The following CRX variants were observed in gnomAD, a reference collection of about 807,000 sequenced individuals.
CRX encodes the protein cone-rod homeobox, also known as cone-rod homeobox protein.
CRX carries 5 observed loss-of-function variants against 13.1 expected under a neutral mutation model. That is an observed-to-expected ratio of 0.38 (90% CI 0.20 to 0.80). The LOEUF is 0.80. Among genes scored for constraint, CRX ranks in the 30% least tolerant of loss-of-function variants. The pLI is 0.43. For missense variants in CRX, 351 were observed against 391.8 expected, an observed-to-expected ratio of 0.90 and a Z score of 0.88; for synonymous variants, 179 against 171.1, an observed-to-expected ratio of 1.05 and a Z score of -0.36.
Position 47,840,306 on chromosome 19 carries a change from T to G in CRX, c.*339T>G. 2.9e-6 allele frequency: 1 copy of G among 341,002 alleles called. No homozygotes were observed. Among genetic ancestry groups the G allele is most frequent in the Non-Finnish European group, 5.6e-6 (1 of 180,134 alleles). The allele number at this position is 341,002 out of a possible 1,614,324, so 21.1% of individuals were successfully genotyped here. A position where few individuals can be genotyped will look rare whatever the true frequency, so the allele number is the denominator to read the frequency against. ...AAGTCAAACCAAACTTGCAGTTGAT[T>G]TGGGGTCATGTTTAGGTCAGAATCA... On this transcript the variant is annotated 3_prime_UTR_variant, in exon 4 of 4. Transcript: ENST00000221996.
intron 1 of CRX, among the ~76,000 whole-genome samples, chr19:47,831,403 G>A (rs1282449562): frequency 6.6e-6 from 1 of 152,062 alleles, no homozygotes; most frequent in Non-Finnish European, 1.5e-5. Flanking sequence ...GTTAGGCATG[G>A]GGTTGCACAG....
chr19:47,835,021 G>T (rs929446158), intron 2 of CRX, among the ~76,000 whole-genome samples: 9 of 149,406 alleles, frequency 6.0e-5, no homozygotes, highest in Admixed American at 6.0e-4. Flanking sequence ...TTGAGACAGG[G>T]TCTCACTCTG....
In CRX at chr19:47,839,781, T is replaced by C; in HGVS notation, c.714T>C (p.Ser238=). Residue 238 remains serine, a synonymous_variant, in exon 4 of 4, where the codon TCT becomes TCC. Coordinates refer to ENST00000221996, the MANE Select transcript of CRX (RefSeq NM_000554.6). This position sits in a 1 kb window ranked among gnomAD's most constrained non-coding sequence, Gnocchi z 4.6. ...GGGGCCCGGCTCTTAGCCCCCTCTC[T>C]GGCCCCTCCGTGGGACCTTCCCTGG... ...QLGGPALSPL[S]GPSVGPSLAQ... The C allele has an allele frequency of 1.2e-6, 2 of 1,614,086 alleles. No homozygotes were observed. The highest frequency in any genetic ancestry group is 1.7e-6 in the Non-Finnish European group (2 of 1,179,980).
chr19:47,827,493 C>A (rs1967987693), intron 1 of CRX, among the ~76,000 whole-genome samples: 1 of 145,926 alleles, frequency 6.9e-6, no homozygotes, highest in African/African-American at 2.5e-5. Flanking sequence ...ACTCTCATAA[C>A]AACCTGTTTT....
At position 47,841,226 on chromosome 19, in the gene CRX, A is replaced by C. The variant is rs1968192933; in HGVS notation, c.*1259A>C. On this transcript the variant is annotated 3_prime_UTR_variant, in exon 4 of 4. Transcript: ENST00000221996. ...GACAAAGATCTACATTCATATATGT[A>C]GCTATACATATATGTACTTTTTCTT... 6.6e-6 allele frequency: 1 copy of C among 152,250 alleles called. No individual in the cohort carries two copies. The highest frequency in any genetic ancestry group is 2.1e-4 in the South Asian group (1 of 4,836). The allele number at this position is 152,250 out of a possible 1,614,324, so 9.4% of individuals were successfully genotyped here.
Position 47,839,429 on chromosome 19 carries a change from C to T in CRX, c.362C>T (p.Ala121Val), listed in dbSNP as rs371847743. Residue 121 changes from alanine to valine, a missense_variant, in exon 4 of 4, where the codon GCG (alanine) becomes GTG (valine). Around this residue, in one of 3 missense-constraint regions of CRX, gnomAD observed 253 missense variants for 268.3 expected, o/e 0.94. Transcript: ENST00000221996. The surrounding 1 kb of genome is among the most constrained non-coding windows in gnomAD (Gnocchi z 4.6). Reference sequence around the variant, plus strand: ...AAGGCCCGGCCTGCCAAGAGGAAGGCGGGCACGTCCCCAAGACCCTCCACA... The same window carrying T: ...AAGGCCCGGCCTGCCAAGAGGAAGGTGGGCACGTCCCCAAGACCCTCCACA... ...QAKARPAKRK[A>V]GTSPRPSTDV... 16 of 1,613,732 alleles carry T rather than the reference C, an allele frequency of 9.9e-6. No individual in the cohort carries two copies. Among genetic ancestry groups the T allele is most frequent in the East Asian group, 8.9e-5 (4 of 44,890 alleles).
intron 2 of CRX, 58 bp downstream of exon 2, chr19:47,834,601 T>C: frequency 7.0e-7 from 1 of 1,422,572 alleles, no homozygotes; most frequent in South Asian, 1.2e-5. Context: ...GGAGGACCTC[T>C]GGGGTCCCTT....
At chr19:47,833,858 C>G (rs960971273) in intron 1 of CRX, among the ~76,000 whole-genome samples, 7 of 152,070 alleles carry the variant, frequency 4.6e-5, no homozygotes, top group Non-Finnish European at 1.0e-4. Flanking sequence ...CTGTGTCACC[C>G]AGGCTGGAGT....
chr19:47,840,089 C>CCCCTTTCTCTTCTGAA lies in CRX; in HGVS notation c.*122_*123insCCCTTTCTCTTCTGAA. The CCCCTTTCTCTTCTGAA allele has an allele frequency of 3.4e-6, 4 of 1,163,814 alleles. No individual in the cohort carries two copies. Among genetic ancestry groups the CCCCTTTCTCTTCTGAA allele is most frequent in the Non-Finnish European group, 5.0e-6 (4 of 805,800 alleles). 72.1% of individuals were successfully genotyped at this position (1,163,814 alleles called of 1,614,324 possible). On this transcript the variant is annotated 3_prime_UTR_variant, in exon 4 of 4. Coordinates refer to ENST00000221996, the MANE Select transcript of CRX (RefSeq NM_000554.6). ...AAAGCAACCCGAACCAGCTGTCCTT[C>CCCCTTTCTCTTCTGAA]TGACAGCTCGGTGTTCAGCTTACAG...
Position 47,840,015 on chromosome 19 carries a change from T to G in CRX, c.*48T>G. On this transcript the variant is annotated 3_prime_UTR_variant, in exon 4 of 4. Transcript: ENST00000221996. The stretch of plus-strand genomic sequence containing the variant: ...CCATCGGGCCTCGGGACCCTTTCTC[T>G]TCTGAATCTGCTTCCCTGCAGTTTA... 7.5e-6 allele frequency: 12 copies of G among 1,601,162 alleles called. No individual in the cohort carries two copies. The highest frequency in any genetic ancestry group is 2.2e-5 in the East Asian group (1 of 44,838).
At chr19:47,832,611 A>G in intron 1 of CRX, among the ~76,000 whole-genome samples, 1 of 150,134 alleles carries the variant, frequency 6.7e-6, no homozygotes, top group East Asian at 2.0e-4. Flanking sequence ...TCAGCCTCCC[A>G]AGTAGCTGGG....
At chr19:47,825,904 A>G (rs1967969750) in intron 1 of CRX, among the ~76,000 whole-genome samples, 1 of 142,312 alleles carries the variant, frequency 7.0e-6, no homozygotes, top group African/African-American at 3.1e-5. Flanking sequence ...CATGGGTGAC[A>G]GAGACTCCGT....
At chr19:47,833,547 G>A (rs1426223276) in intron 1 of CRX, among the ~76,000 whole-genome samples, 1 of 152,116 alleles carries the variant, frequency 6.6e-6, no homozygotes, top group Non-Finnish European at 1.5e-5. Context: ...CTCCCAAAGT[G>A]CTGGGATTAC....
At position 47,839,551 on chromosome 19, in the gene CRX, A is replaced by C. The variant is rs1254761879; in HGVS notation, c.484A>C (p.Ile162Leu). 2 of 1,613,028 alleles carry C rather than the reference A, an allele frequency of 1.2e-6. No individual in the cohort carries two copies. Among genetic ancestry groups the C allele is most frequent in the Admixed American group, 1.7e-5 (1 of 59,946 alleles). The change falls in exon 4 of 4, where the codon ATC (isoleucine) becomes CTC (leucine). Residue 162 changes from isoleucine to leucine, a missense_variant. Coordinates refer to ENST00000221996, the MANE Select transcript of CRX (RefSeq NM_000554.6). This position sits in a 1 kb window ranked among gnomAD's most constrained non-coding sequence, Gnocchi z 4.6. ...AACCACGGCAGTGGCCACTGTGTCCATCTGGAGCCCAGCCTCAGAGTCCCC... is the reference window on the plus strand; with the variant it reads ...AACCACGGCAGTGGCCACTGTGTCCCTCTGGAGCCCAGCCTCAGAGTCCCC... ...SPTTAVATVS[I>L]WSPASESPLP...
intron 3 of CRX, among the ~76,000 whole-genome samples, chr19:47,837,950 G>T (rs976816604): frequency 3.9e-5 from 6 of 152,094 alleles, no homozygotes; most frequent in Non-Finnish European, 2.9e-5. Context: ...ATGTATAATT[G>T]TATGCGTGTA....
Position 47,834,493 on chromosome 19 carries a change from C to T in CRX, c.50C>T (p.Ala17Val). Residue 17 changes from alanine to valine, a missense_variant, in exon 2 of 4, where the codon GCC becomes GTC. By Grantham distance (64) the Ala-to-Val change is moderately conservative (BLOSUM62 0). Transcript: ENST00000221996. ...CCCCACTATTCTGTCAACGCCTTGG[C>T]CCTAAGTGGCCCCAGTGTGGATCTG... is the stretch of plus-strand genomic sequence containing the variant. ...PGPHYSVNAL[A>V]LSGPSVDLMH... 2 of 1,614,146 alleles carry T rather than the reference C, an allele frequency of 1.2e-6. No individual in the cohort carries two copies. The highest frequency in any genetic ancestry group is 1.7e-6 in the Non-Finnish European group (2 of 1,180,032).
rs968733436 is a variant in CRX, at chr19:47,839,069, G to A, written c.253-251G>A. ...TGTATGCATGTATAATTGTACGTGT[G>A]CATGTTTGCATTAGACGGATGGGAT... On this transcript the variant is annotated intron_variant, in intron 3 of 3. Transcript: ENST00000221996. This position sits in a 1 kb window ranked among gnomAD's most constrained non-coding sequence, Gnocchi z 4.6. Among the ~76,000 whole-genome samples, 1 of 152,108 alleles carries A rather than the reference G, an allele frequency of 6.6e-6. No individual in the cohort carries two copies. Among genetic ancestry groups the A allele is most frequent in the African/African-American group, 2.4e-5 (1 of 41,392 alleles).
At chr19:47,828,146 C>T (rs1317461224) in intron 1 of CRX, among the ~76,000 whole-genome samples, 1 of 151,174 alleles carries the variant, frequency 6.6e-6, no homozygotes, top group Non-Finnish European at 1.5e-5. Context: ...AAGAGTGAGA[C>T]TTCATCTCAA....
At chr19:47,831,947 C>T (rs1968052061) in intron 1 of CRX, among the ~76,000 whole-genome samples, 1 of 150,930 alleles carries the variant, frequency 6.6e-6, no homozygotes, top group Non-Finnish European at 1.5e-5. Flanking sequence ...CCATGTTGGC[C>T]AGGCTGGTCT....
Sources: allele counts gnomAD v4.1 joint callset (sites outside exome capture counted in the v4.1 genomes callset), GRCh38; gene constraint gnomAD v4.1.1; regional missense constraint gnomAD v4.1.1; non-coding constraint Gnocchi (gnomAD v3.1); transcripts MANE v1.5; gene names NCBI Gene and HGNC (gene_info 2026-07-23, HGNC 2026-07-21).